CCDC172: variants seen among roughly 807,000 people sequenced by gnomAD.
CCDC172 encodes the protein coiled-coil domain containing 172.
Under a neutral mutation model 38.0 loss-of-function variants are expected in CCDC172, and 30 were observed. The ratio of observed to expected loss-of-function variants is 0.79; its 90% confidence interval spans 0.59 to 1.07. CCDC172 has a LOEUF of 1.07. Among genes scored for constraint, CCDC172 ranks in the 50% least tolerant of loss-of-function variants. The pLI, the probability that CCDC172 is intolerant of heterozygous loss-of-function variation, is 0.00. For synonymous variants in CCDC172, 78 were observed against 88.3 expected (o/e 0.88, Z 0.66); for missense variants, 297 against 290.1 (o/e 1.02, Z -0.17).
At chr10:116,367,191 A>G (rs1284668259) in intron 7 of CCDC172, among the ~76,000 whole-genome samples, 4 of 152,054 alleles carry the variant, frequency 2.6e-5, no homozygotes, top group African/African-American at 4.8e-5. Flanking sequence ...TATAGTTAGC[A>G]TTTTTGTTTC....
rs536849744 is a variant in CCDC172, at chr10:116,345,399, A to G, written c.448+3198A>G. Among the ~76,000 whole-genome samples the G allele has an allele frequency of 1.3e-4, 20 of 152,334 alleles. 2 individuals carry two copies. In the South Asian group the frequency reaches 3.5e-3, roughly 27 times the overall value. On this transcript the variant is annotated intron_variant, in intron 5 of 8. Coordinates refer to ENST00000333254, the MANE Select transcript of CCDC172 (RefSeq NM_198515.3). ...AATTATGAATTTCCTAGAAGAAAAC[A>G]TAGGAGAAAATCTTTTCCATCTTGG...
intron 7 of CCDC172, among the ~76,000 whole-genome samples, chr10:116,374,985 T>G (rs1228692251): frequency 6.6e-6 from 1 of 152,084 alleles, no homozygotes; most frequent in Non-Finnish European, 1.5e-5. Context: ...GTACTGCCTA[T>G]CTTTCATTTT....
Position 116,350,448 on chromosome 10 carries a change from G to T in CCDC172, c.449-6932G>T, listed in dbSNP as rs142672536. Among the ~76,000 whole-genome samples the T allele has an allele frequency of 1.5e-4, 23 of 152,238 alleles. 1 individual carries two copies. The East Asian group carries it at 4.2e-3, about 28-fold the overall frequency. Reference sequence around the variant, plus strand: ...TATGAGAGAAATAAGTGTTAAGGTTGACTTTAAGGTTTTTGGCCTGAGAAA... The same window carrying T: ...TATGAGAGAAATAAGTGTTAAGGTTTACTTTAAGGTTTTTGGCCTGAGAAA... On this transcript the variant is annotated intron_variant, in intron 5 of 8. Coordinates refer to ENST00000333254, the MANE Select transcript of CCDC172 (RefSeq NM_198515.3).
At chr10:116,335,561 T>C (rs1277806146) in intron 3 of CCDC172, among the ~76,000 whole-genome samples, 1 of 152,054 alleles carries the variant, frequency 6.6e-6, no homozygotes, top group Non-Finnish European at 1.5e-5. Flanking sequence ...TTGCACTAAT[T>C]TCATGTTGTA....
intron 5 of CCDC172, among the ~76,000 whole-genome samples, chr10:116,352,354 A>C (rs2134940537): frequency 6.6e-6 from 1 of 152,316 alleles, no homozygotes; most frequent in Admixed American, 6.5e-5. Context: ...CTAGACATGT[A>C]AAGAAGCAGC....
chr10:116,363,828 T>C (rs1005145821), intron 7 of CCDC172, among the ~76,000 whole-genome samples: 1 of 151,164 alleles, frequency 6.6e-6, no homozygotes, highest in African/African-American at 2.4e-5. Context: ...CTACTCAGGA[T>C]GCTGAGGCAG....
intron 3 of CCDC172, among the ~76,000 whole-genome samples, chr10:116,331,648 T>C (rs1844664719): frequency 1.3e-5 from 2 of 152,162 alleles, no homozygotes; most frequent in Non-Finnish European, 2.9e-5. Flanking sequence ...CTTGTTTGAT[T>C]TGATGCCTTT....
At chr10:116,355,447 C>A (rs2085944693) in intron 5 of CCDC172, among the ~76,000 whole-genome samples, 1 of 152,078 alleles carries the variant, frequency 6.6e-6, no homozygotes, top group South Asian at 2.1e-4. Context: ...GATGTTCTCA[C>A]AACAACATAA....
intron 3 of CCDC172, among the ~76,000 whole-genome samples, chr10:116,326,924 G>A (rs1178749966): frequency 6.6e-6 from 1 of 152,194 alleles, no homozygotes; most frequent in Non-Finnish European, 1.5e-5. Flanking sequence ...TACCAGCAAT[G>A]CTGAAAGCTG....
chr10:116,365,657 C>T (rs1358504096), intron 7 of CCDC172, among the ~76,000 whole-genome samples: 1 of 152,062 alleles, frequency 6.6e-6, no homozygotes, highest in Non-Finnish European at 1.5e-5. Context: ...CTTTAGATTT[C>T]TCATTTACTA....
intron 4 of CCDC172, among the ~76,000 whole-genome samples, chr10:116,341,247 T>C (rs1844790255): frequency 6.6e-6 from 1 of 152,042 alleles, no homozygotes; most frequent in Non-Finnish European, 1.5e-5. Flanking sequence ...GCCTGAGCAA[T>C]AGTTTTGAAT....
At chr10:116,355,885 A>G (rs556464849) in intron 5 of CCDC172, among the ~76,000 whole-genome samples, 3 of 152,322 alleles carry the variant, frequency 2.0e-5, no homozygotes, top group African/African-American at 7.2e-5. Flanking sequence ...GAAATGTTCC[A>G]AAATTATATA....
At chr10:116,366,197 C>G (rs575069101) in intron 7 of CCDC172, among the ~76,000 whole-genome samples, 1 of 151,966 alleles carries the variant, frequency 6.6e-6, no homozygotes, top group Non-Finnish European at 1.5e-5. Flanking sequence ...TAAATATGAG[C>G]TAAAAATAAT....
At chr10:116,366,435 A>G (rs1845123443) in intron 7 of CCDC172, among the ~76,000 whole-genome samples, 1 of 152,188 alleles carries the variant, frequency 6.6e-6, no homozygotes, top group South Asian at 2.1e-4. Flanking sequence ...CATCTAACCT[A>G]TACATACATG....
At chr10:116,372,249 T>C (rs1845193758) in intron 7 of CCDC172, among the ~76,000 whole-genome samples, 1 of 152,152 alleles carries the variant, frequency 6.6e-6, no homozygotes. Flanking sequence ...TTAAACATTT[T>C]TAATTAAAAA....
At chr10:116,346,544 G>A (rs1401107101) in intron 5 of CCDC172, among the ~76,000 whole-genome samples, 1 of 151,878 alleles carries the variant, frequency 6.6e-6, no homozygotes, top group African/African-American at 2.4e-5. Flanking sequence ...TGATAGAAAT[G>A]TACAGTTTCT....
At chr10:116,337,218 A>G (rs1409452020) in intron 3 of CCDC172, among the ~76,000 whole-genome samples, 1 of 151,826 alleles carries the variant, frequency 6.6e-6, no homozygotes, top group Non-Finnish European at 1.5e-5. Flanking sequence ...CAGTGGCACA[A>G]TCTTGGCTCA....
chr10:116,330,997 C>T (rs1844655853), intron 3 of CCDC172, among the ~76,000 whole-genome samples: 1 of 152,124 alleles, frequency 6.6e-6, no homozygotes, highest in African/African-American at 2.4e-5. Context: ...ACTTTGGTCT[C>T]TCAAAGTTCT....
intron 3 of CCDC172, among the ~76,000 whole-genome samples, chr10:116,339,684 A>G (rs1188962633): frequency 7.2e-5 from 11 of 151,980 alleles, no homozygotes; most frequent in Admixed American, 7.2e-4. Context: ...ATGTAAGATC[A>G]TATTTTCTGG....
Sources: gnomAD v4.1 joint callset for allele counts (sites outside exome capture counted in the v4.1 genomes callset) on GRCh38, gnomAD v4.1.1 for gene constraint, MANE v1.5 for transcripts, NCBI Gene and HGNC (gene_info 2026-07-23, HGNC 2026-07-21) for gene names.